Variants in IL6ST observed in about 807,000 individuals in gnomAD.
The protein encoded by IL6ST is interleukin-6 receptor subunit beta.
IL6ST carries 24 observed loss-of-function variants against 91.3 expected under a neutral mutation model. That is an observed-to-expected ratio of 0.26 (90% CI 0.19 to 0.37). The LOEUF (loss-of-function observed/expected upper bound fraction) is 0.37, where lower values mean the gene tolerates loss of function less well. Among genes scored for constraint, IL6ST ranks in the 10% least tolerant of loss-of-function variants. The pLI is 1.00. For missense variants in IL6ST, 914 were observed against 1,078.5 expected, an observed-to-expected ratio of 0.85 and a Z score of 2.14; for synonymous variants, 351 against 373.6, an observed-to-expected ratio of 0.94 and a Z score of 0.70.
intron 9 of IL6ST, among the ~76,000 whole-genome samples, chr5:55,956,584 C>T (rs978038141): frequency 3.9e-5 from 6 of 152,128 alleles, no homozygotes; most frequent in Admixed American, 1.3e-4. Flanking sequence ...TACCAGCATA[C>T]ATTTTGATTA....
chr5:55,945,722 C>T (rs1299759139), intron 15 of IL6ST, among the ~76,000 whole-genome samples: 2 of 117,152 alleles, frequency 1.7e-5, no homozygotes, highest in African/African-American at 6.3e-5. Flanking sequence ...GTGATCTTGG[C>T]TCACTGCAAC....
At position 55,937,086 on chromosome 5, in the gene IL6ST, C is replaced by T. The variant is rs1183261792; in HGVS notation, c.*3996G>A. Reference sequence around the variant, plus strand: ...ACATTATGGTATTAATGTAACAGCACTTAAAACCTGTAGTTATCATTCAAA... The same window carrying T: ...ACATTATGGTATTAATGTAACAGCATTTAAAACCTGTAGTTATCATTCAAA... On this transcript the variant is annotated 3_prime_UTR_variant, in exon 17 of 17. Transcript: ENST00000381298. 1 of 203,264 alleles carries T rather than the reference C, an allele frequency of 4.9e-6. No individual in the cohort carries two copies. The highest frequency in any genetic ancestry group is 2.3e-5 in the African/African-American group (1 of 43,734). 12.6% of individuals were successfully genotyped at this position (203,264 alleles called of 1,614,324 possible).
At chr5:55,945,364 C>T (rs544775779) in intron 15 of IL6ST, among the ~76,000 whole-genome samples, 1 of 152,126 alleles carries the variant, frequency 6.6e-6, no homozygotes, top group Non-Finnish European at 1.5e-5. Context: ...AAGACAATTG[C>T]TTTTGGCAAA....
chr5:55,949,190 T>A (rs1353697750), intron 14 of IL6ST, among the ~76,000 whole-genome samples: 1 of 152,054 alleles, frequency 6.6e-6, no homozygotes. Context: ...AATAAAAAAA[T>A]TTTAGGCTGA....
rs1394833122 is a variant in IL6ST, at chr5:55,936,989, T to C, written c.*4093A>G. 5.0e-6 allele frequency: 1 copy of C among 200,126 alleles called. No homozygotes were observed. The highest frequency in any genetic ancestry group is 6.0e-5 in the Admixed American group (1 of 16,594). 12.4% of individuals were successfully genotyped at this position (200,126 alleles called of 1,614,324 possible). A position where few individuals can be genotyped will look rare whatever the true frequency, so the allele number is the denominator to read the frequency against. ...ACATTTATTTTTAGAGTATATTCAA[T>C]ACACATACATATTGAGACTAGAGAA... On this transcript the variant is annotated 3_prime_UTR_variant, in exon 17 of 17. Coordinates refer to ENST00000381298, the MANE Select transcript of IL6ST (RefSeq NM_002184.4).
At chr5:55,973,709 T>C (rs1041295579) in intron 3 of IL6ST, among the ~76,000 whole-genome samples, 11 of 152,178 alleles carry the variant, frequency 7.2e-5, no homozygotes, top group African/African-American at 2.7e-4. Context: ...CCTATACAAA[T>C]CATGAGAGGT....
intron 15 of IL6ST, among the ~76,000 whole-genome samples, chr5:55,946,558 G>A (rs1002105394): frequency 3.9e-5 from 6 of 152,202 alleles, no homozygotes; most frequent in African/African-American, 1.4e-4. Context: ...ACTCATGCCT[G>A]TAATCCCAGC....
In IL6ST at chr5:55,947,481, A is replaced by G. The variant is rs770270428; in HGVS notation, c.1937+12T>C. ...TGGGGGAAAATGCAAAAATATGAAT[A>G]AAGTTACTTACAGGTCTCGCTTATT... is the stretch of plus-strand genomic sequence containing the variant. On this transcript the variant is annotated intron_variant, in intron 15 of 16. Transcript: ENST00000381298. 9.7e-6 allele frequency: 14 copies of G among 1,440,190 alleles called. No individual in the cohort carries two copies. The highest frequency in any genetic ancestry group is 1.3e-5 in the Non-Finnish European group (14 of 1,044,248). The allele number at this position is 1,440,190 out of a possible 1,614,324, so 89.2% of individuals were successfully genotyped here.
At chr5:55,980,767 T>C (rs1456056292) in intron 2 of IL6ST, among the ~76,000 whole-genome samples, 1 of 152,206 alleles carries the variant, frequency 6.6e-6, no homozygotes, top group East Asian at 1.9e-4. Flanking sequence ...CTATTAACTC[T>C]TCTTGATGAG....
chr5:55,946,388 G>A (rs944559893), intron 15 of IL6ST, among the ~76,000 whole-genome samples: 4 of 152,258 alleles, frequency 2.6e-5, no homozygotes, highest in Admixed American at 1.3e-4. Flanking sequence ...ACATATGCTC[G>A]CACAGTTTTG....
chr5:55,981,956 C>A (rs1320288291), intron 2 of IL6ST, among the ~76,000 whole-genome samples: 2 of 151,912 alleles, frequency 1.3e-5, no homozygotes, highest in African/African-American at 4.8e-5. Flanking sequence ...GGTAGTGTGC[C>A]GAAAGGAGCT....
At chr5:55,970,776 G>A (rs2111821183) in intron 3 of IL6ST, among the ~76,000 whole-genome samples, 1 of 152,106 alleles carries the variant, frequency 6.6e-6, no homozygotes, top group South Asian at 2.1e-4. Flanking sequence ...GTGTCATGGT[G>A]GGCACCTGTA....
At chr5:55,954,760 T>G in intron 11 of IL6ST, 50 bp downstream of exon 11, 3 of 1,423,888 alleles carry the variant, frequency 2.1e-6, no homozygotes, top group South Asian at 2.7e-5. Context: ...AAAAGCTGCC[T>G]AAAGAGTTAG....
Position 55,938,426 on chromosome 5 carries a change from G to T in IL6ST, c.*2656C>A, listed in dbSNP as rs1750671404. 2 of 192,208 alleles carry T rather than the reference G, an allele frequency of 1.0e-5. No homozygotes were observed. Among genetic ancestry groups the T allele is most frequent in the Admixed American group, 1.2e-4 (2 of 16,308 alleles). The allele number at this position is 192,208 out of a possible 1,614,324, so 11.9% of individuals were successfully genotyped here. A position where few individuals can be genotyped will look rare whatever the true frequency, so the allele number is the denominator to read the frequency against. ...ATTATCCCTTTCAGAGATGAGGGTA[G>T]GATACCACAGACATCAGTAACTGAC... On this transcript the variant is annotated 3_prime_UTR_variant, in exon 17 of 17. Coordinates refer to ENST00000381298, the MANE Select transcript of IL6ST (RefSeq NM_002184.4).
At chr5:55,973,059 A>G (rs1443072628) in intron 3 of IL6ST, among the ~76,000 whole-genome samples, 1 of 152,108 alleles carries the variant, frequency 6.6e-6, no homozygotes, top group Admixed American at 6.6e-5. Context: ...CGATATTACA[A>G]TGAACATTAT....
At position 55,948,575 on chromosome 5, in the gene IL6ST, T is replaced by C. The variant is rs143955205; in HGVS notation, c.1841-986A>G. On this transcript the variant is annotated intron_variant, in intron 14 of 16. Coordinates refer to ENST00000381298, the MANE Select transcript of IL6ST (RefSeq NM_002184.4). ...ATATGGGTGTATGTATATATATTTA[T>C]GTGTGTATATATTGATATATGTGTG... 2.0e-3 allele frequency among the ~76,000 whole-genome samples: 301 copies of C among 152,146 alleles called. 2 individuals carry two copies. Among genetic ancestry groups the C allele is most frequent in the African/African-American group, 7.1e-3 (294 of 41,508 alleles).
rs146679608 is a variant in IL6ST at position 55,977,843 on chromosome 5, C to G, written c.-15-1550G>C. 1.8e-3 allele frequency among the ~76,000 whole-genome samples: 278 copies of G among 152,056 alleles called. 3 individuals are homozygous for G. Among genetic ancestry groups the G allele is most frequent in the African/African-American group, 6.5e-3 (270 of 41,470 alleles). On this transcript the variant is annotated intron_variant, in intron 2 of 16. Coordinates refer to ENST00000381298, the MANE Select transcript of IL6ST (RefSeq NM_002184.4). ...CCCGACACACACAGACACACACACA[C>G]ACACACACGCCAGGTGTGGTGGTGT...
intron 2 of IL6ST, among the ~76,000 whole-genome samples, chr5:55,981,996 T>C (rs1427758989): frequency 6.6e-6 from 1 of 152,198 alleles, no homozygotes; most frequent in African/African-American, 2.4e-5. Flanking sequence ...TTGCTACTTT[T>C]AATGTTAGAG....
intron 2 of IL6ST, among the ~76,000 whole-genome samples, chr5:55,980,493 T>C (rs1031906695): frequency 6.6e-6 from 1 of 152,108 alleles, no homozygotes; most frequent in African/African-American, 2.4e-5. Flanking sequence ...GAGGTTGCAG[T>C]GAACGGAGAT....
Sources: gnomAD v4.1 joint callset for allele counts (sites outside exome capture counted in the v4.1 genomes callset) on GRCh38, gnomAD v4.1.1 for gene constraint, MANE v1.5 for transcripts, NCBI Gene and HGNC (gene_info 2026-07-23, HGNC 2026-07-21) for gene names.